SOX13: variants seen among roughly 807,000 people sequenced by gnomAD.
The protein encoded by SOX13 is SRY-box transcription factor 13, also known as transcription factor SOX-13.
A neutral mutation model predicts 71.8 loss-of-function variants in SOX13; 28 were observed. The ratio of observed to expected loss-of-function variants is 0.39; its 90% CI spans 0.29 to 0.53. The LOEUF (loss-of-function observed/expected upper bound fraction) is 0.53. Among genes scored for constraint, SOX13 ranks in the 20% least tolerant of loss-of-function variants. SOX13 has a pLI of 0.70. For synonymous variants in SOX13, 309 were observed against 317.8 expected (o/e 0.97, Z 0.29); for missense variants, 627 against 810.3 (o/e 0.77, Z 2.75).
rs776117552 is a variant in SOX13 at position 204,123,689 on chromosome 1, C to G, written c.1260C>G (p.Asn420Lys). Residue 420 changes from asparagine (N) to lysine (K), a missense_variant, in exon 12 of 14, where the codon AAC becomes AAG. Asn to Lys is a moderately conservative substitution (Grantham distance 94). This residue lies in a region of SOX13 where 447 missense variants were observed against 532.2 expected (regional missense o/e 0.84). Coordinates refer to ENST00000367204, the MANE Select transcript of SOX13 (RefSeq NM_005686.3). The surrounding 1 kb of genome is among the most constrained non-coding windows in gnomAD (Gnocchi z 5.0). ...CCCGCCACTTCCCCGAGTCCCGAAA[C>G]AGCAGCCACATCAAGAGGCCCATGA... ...DGSRHFPESR[N>K]SSHIKRPMNA... 1 of 1,614,136 alleles carries G rather than the reference C, an allele frequency of 6.2e-7. No individual in the cohort carries two copies. The highest frequency in any genetic ancestry group is 1.1e-5 in the South Asian group (1 of 91,080).
At chr1:204,108,426 T>C (rs2102248745) in intron 1 of SOX13, among the ~76,000 whole-genome samples, 1 of 152,336 alleles carries the variant, frequency 6.6e-6, no homozygotes, top group African/African-American at 2.4e-5. Context: ...GGACAGATGA[T>C]GGCCTCCTCT....
At chr1:204,122,096 T>G in intron 8 of SOX13, 111 bp downstream of exon 8, 1 of 1,040,928 alleles carries the variant, frequency 9.6e-7, no homozygotes. Flanking sequence ...TCCTGTGTTC[T>G]TGTTCACCCG....
chr1:204,125,984 G>A lies in SOX13; in HGVS notation c.1719G>A (p.Val573=). The A allele has an allele frequency of 1.9e-6, 3 of 1,613,982 alleles. No homozygotes were observed. In the South Asian group the frequency reaches 3.3e-5, roughly 18 times the overall value. The change falls in exon 14 of 14, where the codon GTG becomes GTA. Residue 573 remains valine (V), a synonymous_variant. Transcript: ENST00000367204. ...VPRSLDPNMP[V]IVNTCSLREE... is the part of the protein sequence containing the mutation. The stretch of plus-strand genomic sequence containing the variant: ...GTAGCCTGGACCCCAACATGCCTGT[G>A]ATCGTCAACACCTGCAGCCTCAGAG...
At chr1:204,098,728 A>G (rs577792796) in intron 1 of SOX13, among the ~76,000 whole-genome samples, 24 of 152,256 alleles carry the variant, frequency 1.6e-4, no homozygotes, top group African/African-American at 5.3e-4. Context: ...CAGAGGGGTG[A>G]TGAATGTAAG....
chr1:204,096,528 T>A (rs1024876129), intron 1 of SOX13, among the ~76,000 whole-genome samples: 3 of 152,036 alleles, frequency 2.0e-5, no homozygotes, highest in Admixed American at 6.6e-5. Flanking sequence ...GCAATTCTCA[T>A]GCATCAGTCT....
rs763525602 is a variant in SOX13 at position 204,121,858 on chromosome 1, T to C, written c.776-42T>C. 4.4e-6 allele frequency: 6 copies of C among 1,364,190 alleles called. No individual in the cohort carries two copies. The Admixed American group carries it at 8.5e-5, about 19-fold the overall frequency. The allele number at this position is 1,364,190 out of a possible 1,614,324, so 84.5% of individuals were successfully genotyped here. A position where few individuals can be genotyped will look rare whatever the true frequency, so the allele number is the denominator to read the frequency against. On this transcript the variant is annotated intron_variant, in intron 7 of 13. Transcript: ENST00000367204. ...TCGTCAAGCAGGGTGTCTGCTGTTC[T>C]GTGCTCATCCAGGACTTTTCTCCTT...
chr1:204,114,641 C>T, intron 4 of SOX13, 36 bp downstream of exon 4: 1 of 1,488,730 alleles, frequency 6.7e-7, no homozygotes, highest in Non-Finnish European at 9.4e-7. Flanking sequence ...GATGTTTGAA[C>T]CCCATCTCTC....
At chr1:204,116,051 G>A (rs1656686479) in intron 4 of SOX13, 1 of 632,372 alleles carries the variant, frequency 1.6e-6, no homozygotes, top group Non-Finnish European at 2.3e-6. Context: ...ACCCTAAAGT[G>A]CAGAGAAATT....
At position 204,123,612 on chromosome 1, in the gene SOX13, C is replaced by G. The variant is rs761104474; in HGVS notation, c.1232-49C>G. ...GTCTCTCTGCTGGCCCTGGGGCACT[C>G]TCCTGACCCCAGACAGGCTGCTTGG... On this transcript the variant is annotated intron_variant, in intron 11 of 13. Coordinates refer to ENST00000367204, the MANE Select transcript of SOX13 (RefSeq NM_005686.3). The surrounding 1 kb of genome is among the most constrained non-coding windows in gnomAD (Gnocchi z 5.0). 6.3e-7 allele frequency: 1 copy of G among 1,594,784 alleles called. No homozygotes were observed.
At chr1:204,080,841 T>C (rs1655888594) in intron 1 of SOX13, among the ~76,000 whole-genome samples, 1 of 151,076 alleles carries the variant, frequency 6.6e-6, no homozygotes, top group East Asian at 1.9e-4. Flanking sequence ...TTAGAGAAAG[T>C]GCAGCAGGCA....
chr1:204,125,274 T>C lies in SOX13; in HGVS notation c.1592+417T>C, dbSNP rs546375559. 3.9e-5 allele frequency among the ~76,000 whole-genome samples: 6 copies of C among 152,338 alleles called. No individual in the cohort carries two copies. In the Middle Eastern group the frequency reaches 0.01, roughly 259 times the overall value. ...GACATCTCCCAGGGCATTTAAAATATACAATTTCTGCCTGGTATAGTGACA... is the reference window on the plus strand; with the variant it reads ...GACATCTCCCAGGGCATTTAAAATACACAATTTCTGCCTGGTATAGTGACA... On this transcript the variant is annotated intron_variant, in intron 13 of 13. Coordinates refer to ENST00000367204, the MANE Select transcript of SOX13 (RefSeq NM_005686.3).
chr1:204,083,470 C>T (rs1399466558), intron 1 of SOX13, among the ~76,000 whole-genome samples: 1 of 152,216 alleles, frequency 6.6e-6, no homozygotes, highest in Non-Finnish European at 1.5e-5. Flanking sequence ...CTCTCTATCT[C>T]CCATCATCTA....
rs12122693 is a variant in SOX13, at chr1:204,081,798, C to T, written c.-2+8087C>T. Among the ~76,000 whole-genome samples, 28,625 of 151,886 alleles carry T rather than the reference C, an allele frequency of 0.19. 3,056 individuals carry two copies. Among genetic ancestry groups the T allele is most frequent in the African/African-American group, 0.28 (11,723 of 41,376 alleles). On this transcript the variant is annotated intron_variant, in intron 1 of 13. Coordinates refer to ENST00000367204, the MANE Select transcript of SOX13 (RefSeq NM_005686.3). The surrounding 1 kb of genome is among the most constrained non-coding windows in gnomAD (Gnocchi z 4.3). Reference sequence around the variant, plus strand: ...AACCTCTCCCCACCCTCCAGCCCTACTGAAGGAGTCTGAAGTCACTCAACC... The same window carrying T: ...AACCTCTCCCCACCCTCCAGCCCTATTGAAGGAGTCTGAAGTCACTCAACC...
intron 1 of SOX13, among the ~76,000 whole-genome samples, chr1:204,112,024 A>C (rs185854747): frequency 8.9e-4 from 136 of 152,348 alleles, no homozygotes; most frequent in African/African-American, 3.0e-3. Flanking sequence ...TGGCCTGTCC[A>C]TAAGAAATAC....
At chr1:204,083,990 G>C (rs1034522756) in intron 1 of SOX13, among the ~76,000 whole-genome samples, 1 of 152,130 alleles carries the variant, frequency 6.6e-6, no homozygotes, top group Non-Finnish European at 1.5e-5. Flanking sequence ...ATAAGGGTAG[G>C]TCCCCTCCAC....
chr1:204,101,504 TA>T (rs781502804), intron 1 of SOX13, among the ~76,000 whole-genome samples: 44 of 134,556 alleles, frequency 3.3e-4, no homozygotes, highest in Non-Finnish European at 4.2e-4. Context: ...CCTCTTTATT[TA>T]AAAAAAAAAA....
At chr1:204,122,781 G>A (rs1357342229) in intron 9 of SOX13, 73 bp from the exon 10 acceptor site, 2 of 922,874 alleles carry the variant, frequency 2.2e-6, no homozygotes, top group Non-Finnish European at 3.3e-6. Flanking sequence ...AGCTGATGGA[G>A]TTTGGGCTCA....
intron 1 of SOX13, among the ~76,000 whole-genome samples, chr1:204,077,270 G>C (rs990588093): frequency 6.6e-6 from 1 of 152,204 alleles, no homozygotes; most frequent in Admixed American, 6.5e-5. Context: ...TGGTAATACT[G>C]GTTAGAAGCC....
At position 204,114,491 on chromosome 1, in the gene SOX13, TATTCCTCAC is replaced by T; in HGVS notation, c.332-27_332-19del. The T allele has an allele frequency of 6.2e-7, 1 of 1,609,222 alleles. No homozygotes were observed. Among genetic ancestry groups the T allele is most frequent in the Non-Finnish European group, 8.5e-7 (1 of 1,175,502 alleles). ...TGAGGCAGGGAGGTGTTAAGACGGT[TATTCCTCAC>T]CCCTTTGCTGTCTTCCAGTGGTGCC... On this transcript the variant is annotated intron_variant, in intron 3 of 13. Transcript: ENST00000367204.
Sources: gnomAD v4.1 joint callset for allele counts (sites outside exome capture counted in the v4.1 genomes callset) on GRCh38, gnomAD v4.1.1 for gene constraint, gnomAD v4.1.1 regional missense constraint, Gnocchi (gnomAD v3.1) non-coding constraint, MANE v1.5 for transcripts, NCBI Gene and HGNC (gene_info 2026-07-23, HGNC 2026-07-21) for gene names.